Variants in OSBPL6 observed in about 807,000 individuals in gnomAD.
OSBPL6 encodes the protein oxysterol binding protein like 6, also known as oxysterol-binding protein-related protein 6.
Under a neutral mutation model 125.8 loss-of-function variants are expected in OSBPL6, and 49 were observed. The observed-to-expected ratio is 0.39, with a 90% CI of 0.31 to 0.49. The LOEUF is 0.49. OSBPL6 is among the 20% of genes least tolerant of loss of function. The probability of loss-of-function intolerance (pLI) is 0.88; values close to 1 mark genes in which losing one functional copy is unlikely to be tolerated. For synonymous variants in OSBPL6, 394 were observed against 391.8 expected (o/e 1.01, Z -0.07); for missense variants, 986 against 1,135.4 (o/e 0.87, Z 1.89).
At chr2:178,311,117 T>C (rs1257439346) in intron 3 of OSBPL6, among the ~76,000 whole-genome samples, 3 of 152,214 alleles carry the variant, frequency 2.0e-5, no homozygotes, top group Admixed American at 1.3e-4. Flanking sequence ...GACCACTGTC[T>C]ACGATGCCAT....
intron 1 of OSBPL6, among the ~76,000 whole-genome samples, chr2:178,275,648 G>A (rs868222839): frequency 1.8e-4 from 28 of 152,116 alleles, no homozygotes; most frequent in Middle Eastern, 3.4e-3. Context: ...TGAGGAGACG[G>A]ATTGAGTAGT....
intron 1 of OSBPL6, among the ~76,000 whole-genome samples, chr2:178,261,138 A>G (rs2092045660): frequency 6.6e-6 from 1 of 152,134 alleles, no homozygotes; most frequent in Admixed American, 6.6e-5. Context: ...TCTCAAAACA[A>G]AACAATACAA....
In OSBPL6 at chr2:178,401,494, TA is replaced by T. The variant is rs1696103292; in HGVS notation, c.*5936del. Reference sequence around the variant, plus strand: ...CTGAGCCTAAAAGCCTTATTCCTTATATCCGGAGCCTAAAAGTTTGCTCAAA... The same window carrying T: ...CTGAGCCTAAAAGCCTTATTCCTTATTCCGGAGCCTAAAAGTTTGCTCAAA... On this transcript the variant is annotated 3_prime_UTR_variant, in exon 25 of 25. Transcript: ENST00000190611. 1 of 152,234 alleles carries T rather than the reference TA, an allele frequency of 6.6e-6. No individual in the cohort carries two copies. The highest frequency in any genetic ancestry group is 1.5e-5 in the Non-Finnish European group (1 of 68,040). The allele number at this position is 152,234 out of a possible 1,614,324, so 9.4% of individuals were successfully genotyped here. A position where few individuals can be genotyped will look rare whatever the true frequency, so the allele number is the denominator to read the frequency against.
At chr2:178,206,006 G>A (rs1166678352) in intron 1 of OSBPL6, among the ~76,000 whole-genome samples, 1 of 152,190 alleles carries the variant, frequency 6.6e-6, no homozygotes, top group Non-Finnish European at 1.5e-5. Flanking sequence ...AGTTGAATTA[G>A]TAAGTAACCT....
At chr2:178,199,736 A>G (rs2089138223) in intron 1 of OSBPL6, among the ~76,000 whole-genome samples, 1 of 152,168 alleles carries the variant, frequency 6.6e-6, no homozygotes, top group Admixed American at 6.5e-5. Context: ...TGATAAATAT[A>G]CAATTTTTGT....
intron 1 of OSBPL6, among the ~76,000 whole-genome samples, chr2:178,214,388 A>G (rs1423144634): frequency 6.6e-6 from 1 of 152,182 alleles, no homozygotes; most frequent in African/African-American, 2.4e-5. Flanking sequence ...AAACACAACC[A>G]ATAGAAGATA....
rs1283034477 is a variant in OSBPL6 at position 178,373,926 on chromosome 2, C to G, written c.1432C>G (p.Gln478Glu). The G allele has an allele frequency of 6.2e-7, 1 of 1,614,128 alleles. No homozygotes were observed. Among genetic ancestry groups the G allele is most frequent in the Admixed American group, 1.7e-5 (1 of 60,018 alleles). The stretch of plus-strand genomic sequence containing the variant: ...AATCCATGTCAGTCTCCCCTTATCA[C>G]AGCAAGTAGCCAATGAGAGCCGCCT... The part of the protein sequence containing the change: ...EQIHVSLPLS[Q>E]QVANESRLSM... The change falls in exon 15 of 25, where the codon CAG (glutamine) becomes GAG (glutamate). Residue 478 changes from glutamine to glutamate, a missense_variant. By Grantham distance (29) the Gln-to-Glu change is conservative. Transcript: ENST00000190611.
chr2:178,351,502 C>T (rs917206726), intron 12 of OSBPL6, among the ~76,000 whole-genome samples: 4 of 151,978 alleles, frequency 2.6e-5, no homozygotes, highest in African/African-American at 7.3e-5. Context: ...AAATAAAATA[C>T]TTAGGAATAA....
intron 3 of OSBPL6, among the ~76,000 whole-genome samples, chr2:178,315,372 A>G (rs541035266): frequency 1.3e-5 from 2 of 152,352 alleles, no homozygotes; most frequent in Admixed American, 6.5e-5. Context: ...GTGTTTTCCT[A>G]AAGGTCATAT....
chr2:178,270,634 A>G (rs937146788), intron 1 of OSBPL6, among the ~76,000 whole-genome samples: 1 of 152,136 alleles, frequency 6.6e-6, no homozygotes, highest in South Asian at 2.1e-4. Context: ...CTTTATTTCT[A>G]TGAGCCTCAC....
In OSBPL6 at chr2:178,372,185, T is replaced by A. The variant is rs370345474; in HGVS notation, c.1347T>A (p.Ile449=). The change falls in exon 14 of 25, where the codon ATT becomes ATA. Residue 449 remains isoleucine (I), a synonymous_variant. Transcript: ENST00000190611. ...SRLNRIHSES[I]ICDQVVSVNI... ...TGAACAGAATACATTCAGAGTCTAT[T>A]ATTTGTGATCAGGTTGTCAGTGTAA... 5.0e-6 allele frequency: 8 copies of A among 1,613,218 alleles called. No homozygotes were observed. In the African/African-American group the frequency reaches 1.1e-4, roughly 22 times the overall value.
chr2:178,207,018 C>T (rs1295091468), intron 1 of OSBPL6, among the ~76,000 whole-genome samples: 1 of 152,168 alleles, frequency 6.6e-6, no homozygotes, highest in East Asian at 1.9e-4. Context: ...ATCCTCCCAC[C>T]TCAGCCTCCC....
chr2:178,337,820 A>G (rs1007426218), intron 9 of OSBPL6, among the ~76,000 whole-genome samples: 6 of 152,340 alleles, frequency 3.9e-5, no homozygotes, highest in Admixed American at 1.3e-4. Context: ...TTCTATGCTT[A>G]TATAGCACCA....
intron 3 of OSBPL6, among the ~76,000 whole-genome samples, chr2:178,311,657 T>A (rs555064853): frequency 6.6e-6 from 1 of 152,214 alleles, no homozygotes; most frequent in African/African-American, 2.4e-5. Context: ...GCTCCAGAGG[T>A]CTTGATAGCT....
chr2:178,298,900 G>A (rs893374376), intron 2 of OSBPL6, among the ~76,000 whole-genome samples: 3 of 152,134 alleles, frequency 2.0e-5, no homozygotes, highest in Non-Finnish European at 4.4e-5. Context: ...AACAGGACAT[G>A]TACTGTTGAA....
At chr2:178,389,756 C>T (rs115738507) in intron 21 of OSBPL6, among the ~76,000 whole-genome samples, 4 of 152,138 alleles carry the variant, frequency 2.6e-5, no homozygotes, top group Non-Finnish European at 2.9e-5. Flanking sequence ...GTATCACTGC[C>T]GTGTTTGTTT....
chr2:178,268,457 A>G (rs1471023831), intron 1 of OSBPL6, among the ~76,000 whole-genome samples: 1 of 152,142 alleles, frequency 6.6e-6, no homozygotes, highest in Non-Finnish European at 1.5e-5. Flanking sequence ...TATTTTTTAT[A>G]TCTATATGGA....
chr2:178,282,489 A>G (rs983447200), intron 1 of OSBPL6, among the ~76,000 whole-genome samples: 2 of 152,226 alleles, frequency 1.3e-5, no homozygotes, highest in African/African-American at 4.8e-5. Context: ...AGACTAGGAC[A>G]GAGGAACGGG....
intron 2 of OSBPL6, among the ~76,000 whole-genome samples, chr2:178,300,619 C>T (rs1169133505): frequency 6.6e-6 from 1 of 152,198 alleles, no homozygotes; most frequent in East Asian, 1.9e-4. Flanking sequence ...TGTCACCATG[C>T]CCAGCTAATT....
Sources: allele counts gnomAD v4.1 joint callset (sites outside exome capture counted in the v4.1 genomes callset), GRCh38; gene constraint gnomAD v4.1.1; transcripts MANE v1.5; gene names NCBI Gene and HGNC (gene_info 2026-07-23, HGNC 2026-07-21).